ARHGAP12: variants seen among roughly 807,000 people sequenced by gnomAD.
The protein encoded by ARHGAP12 is rho GTPase-activating protein 12.
ARHGAP12 carries 64 observed loss-of-function variants against 108.6 expected under a neutral mutation model. The ratio of observed to expected loss-of-function variants is 0.59; its 90% CI spans 0.48 to 0.73. ARHGAP12 has a LOEUF of 0.73. Ranked by LOEUF, ARHGAP12 falls within the 30% of genes least tolerant of loss-of-function variation. The probability of loss-of-function intolerance (pLI) is 0.00; values close to 1 mark genes in which losing one functional copy is unlikely to be tolerated. For synonymous variants in ARHGAP12, 312 were observed against 337.2 expected, an observed-to-expected ratio of 0.93 and a Z score of 0.82; for missense variants, 940 against 1,005.9, an observed-to-expected ratio of 0.93 and a Z score of 0.89.
At chr10:31,832,795 T>A (rs1194180410) in intron 9 of ARHGAP12, among the ~76,000 whole-genome samples, 3 of 149,158 alleles carry the variant, frequency 2.0e-5, no homozygotes, top group Non-Finnish European at 4.4e-5. Context: ...ATATTGAGCA[T>A]TTTTTTTACC....
rs1431188779 is a variant in ARHGAP12 at position 31,908,520 on chromosome 10, C to T, written c.336G>A (p.Glu112=). The change falls in exon 3 of 20, where the codon GAG becomes GAA. Residue 112 remains glutamate, a synonymous_variant. Coordinates refer to ENST00000344936, the MANE Select transcript of ARHGAP12 (RefSeq NM_018287.7). The part of the protein sequence containing the change: ...RSTENVNKLP[E]LSSFGKPSSS... ...ACGATGGCTTTCCGAAACTTGAAAGCTCAGGCAATTTGTTCACATTTTCTG... is the reference window on the plus strand; with the variant it reads ...ACGATGGCTTTCCGAAACTTGAAAGTTCAGGCAATTTGTTCACATTTTCTG... The T allele has an allele frequency of 1.2e-6, 2 of 1,614,210 alleles. No individual in the cohort carries two copies. Among genetic ancestry groups the T allele is most frequent in the Non-Finnish European group, 1.7e-6 (2 of 1,180,032 alleles).
chr10:31,925,740 A>G (rs1840009464), intron 1 of ARHGAP12, among the ~76,000 whole-genome samples: 1 of 152,200 alleles, frequency 6.6e-6, no homozygotes, highest in Admixed American at 6.5e-5. Context: ...TAAGAGTAAC[A>G]TTGGTCTACA....
intron 3 of ARHGAP12, among the ~76,000 whole-genome samples, chr10:31,863,480 A>C (rs1444332475): frequency 3.9e-5 from 6 of 152,168 alleles, no homozygotes; most frequent in African/African-American, 1.4e-4. Context: ...AACTCTACTA[A>C]ATCTTCAAGA....
At chr10:31,905,653 G>A (rs1839104726) in intron 3 of ARHGAP12, among the ~76,000 whole-genome samples, 1 of 152,120 alleles carries the variant, frequency 6.6e-6, no homozygotes, top group African/African-American at 2.4e-5. Flanking sequence ...TGTAAATGCT[G>A]AAAACACTTG....
chr10:31,907,171 C>T (rs751303734), intron 3 of ARHGAP12, among the ~76,000 whole-genome samples: 8 of 152,144 alleles, frequency 5.3e-5, no homozygotes, highest in African/African-American at 7.2e-5. Context: ...AATAATCTTA[C>T]AACAGAACTT....
intron 3 of ARHGAP12, among the ~76,000 whole-genome samples, chr10:31,874,763 C>T (rs1185328002): frequency 6.6e-6 from 1 of 151,896 alleles, no homozygotes; most frequent in Non-Finnish European, 1.5e-5. Context: ...CACCTGAGGT[C>T]AAAAGTTCGA....
chr10:31,920,449 C>CAAAAAAAAAAA (rs71027040), intron 1 of ARHGAP12, among the ~76,000 whole-genome samples: 1,035 of 59,566 alleles, frequency 0.017, 133 homozygotes, highest in African/African-American at 0.073. Context: ...GACTCCGTCT[C>CAAAAAAAAAAA]AAAAAAAAAA....
In ARHGAP12 at chr10:31,876,579, G is replaced by A. The variant is rs138703179; in HGVS notation, c.685-14921C>T. The stretch of plus-strand genomic sequence containing the variant: ...AAAAAAACCCACTAATACTTTACAC[G>A]TTTTCTACTCCACAACATCTTACAT... On this transcript the variant is annotated intron_variant, in intron 3 of 19. Transcript: ENST00000344936. Among the ~76,000 whole-genome samples the A allele has an allele frequency of 1.9e-4, 28 of 147,446 alleles. No individual in the cohort carries two copies. The East Asian group carries it at 4.9e-3, about 26-fold the overall frequency.
intron 5 of ARHGAP12, among the ~76,000 whole-genome samples, chr10:31,853,517 G>A (rs1015040631): frequency 6.6e-6 from 1 of 152,122 alleles, no homozygotes; most frequent in Non-Finnish European, 1.5e-5. Flanking sequence ...AGGAAAGAGG[G>A]ATAAAAGCCT....
chr10:31,808,907 T>TA, intron 18 of ARHGAP12, 87 bp downstream of exon 18: 2 of 1,405,000 alleles, frequency 1.4e-6, no homozygotes. Context: ...AATACTTGCT[T>TA]AAAGTAAGAT....
chr10:31,928,185 CACACACACACACACCCGCCTTTTGCAG>C (rs1840137892), intron 1 of ARHGAP12, among the ~76,000 whole-genome samples: 1 of 151,878 alleles, frequency 6.6e-6, no homozygotes. Flanking sequence ...CACACACACA[CACACACACACACACCCGCCTTTTGCAG>C]ACACACGCGC....
At chr10:31,893,053 A>G (rs1475443182) in intron 3 of ARHGAP12, among the ~76,000 whole-genome samples, 4 of 152,230 alleles carry the variant, frequency 2.6e-5, no homozygotes, top group East Asian at 3.9e-4. Context: ...TGAAACCAAC[A>G]AGAACAAAGA....
At chr10:31,927,741 G>A (rs1416635755) in intron 1 of ARHGAP12, among the ~76,000 whole-genome samples, 1 of 152,162 alleles carries the variant, frequency 6.6e-6, no homozygotes, top group East Asian at 1.9e-4. Context: ...CAGTCAAAAG[G>A]AAAACATCAC....
intron 3 of ARHGAP12, among the ~76,000 whole-genome samples, chr10:31,904,559 T>C (rs191194464): frequency 1.4e-3 from 217 of 152,250 alleles, no homozygotes; most frequent in Non-Finnish European, 2.7e-3. Context: ...GATCGTGATA[T>C]TACAGTATAG....
In ARHGAP12 at chr10:31,852,499, G is replaced by C. The variant is rs368760440; in HGVS notation, c.1170+18C>G. On this transcript the variant is annotated intron_variant, in intron 6 of 19. Coordinates refer to ENST00000344936, the MANE Select transcript of ARHGAP12 (RefSeq NM_018287.7). Reference sequence around the variant, plus strand: ...ATCTACTATTTTTAAATAGAAATTCGGTGTCAAGGTTTATTACCTTTGGCA... The same window carrying C: ...ATCTACTATTTTTAAATAGAAATTCCGTGTCAAGGTTTATTACCTTTGGCA... 1 of 1,553,684 alleles carries C rather than the reference G, an allele frequency of 6.4e-7. No individual in the cohort carries two copies. Among genetic ancestry groups the C allele is most frequent in the Non-Finnish European group, 8.9e-7 (1 of 1,126,110 alleles).
chr10:31,872,889 C>A (rs1398749036), intron 3 of ARHGAP12, among the ~76,000 whole-genome samples: 1 of 152,122 alleles, frequency 6.6e-6, no homozygotes, highest in East Asian at 1.9e-4. Context: ...TTAATGCATA[C>A]CATTTTCCTC....
chr10:31,900,974 G>C (rs566247754), intron 3 of ARHGAP12, among the ~76,000 whole-genome samples: 2 of 152,294 alleles, frequency 1.3e-5, no homozygotes, highest in South Asian at 4.1e-4. Flanking sequence ...CCAGCACTTT[G>C]AGAGGCTGAG....
chr10:31,805,765 T>G lies in ARHGAP12; in HGVS notation c.*1893A>C, dbSNP rs1232990917. ...ACACCAAGAACAAGAACATCACTGA[T>G]TTGAGTCTAATTGTTTTCCTGGTAT... is the stretch of plus-strand genomic sequence containing the variant. On this transcript the variant is annotated 3_prime_UTR_variant, in exon 20 of 20. Transcript: ENST00000344936. 6.6e-6 allele frequency: 1 copy of G among 152,026 alleles called. No individual in the cohort carries two copies. Among genetic ancestry groups the G allele is most frequent in the Non-Finnish European group, 1.5e-5 (1 of 67,988 alleles). The allele number at this position is 152,026 out of a possible 1,614,324, so 9.4% of individuals were successfully genotyped here.
intron 11 of ARHGAP12, among the ~76,000 whole-genome samples, chr10:31,822,852 G>A (rs547122895): frequency 1.3e-5 from 2 of 152,132 alleles, no homozygotes; most frequent in Non-Finnish European, 2.9e-5. Flanking sequence ...AACGTTTGGA[G>A]ATATTTTTAG....
Sources: allele counts gnomAD v4.1 joint callset (sites outside exome capture counted in the v4.1 genomes callset), GRCh38; gene constraint gnomAD v4.1.1; transcripts MANE v1.5; gene names NCBI Gene and HGNC (gene_info 2026-07-23, HGNC 2026-07-21).